The following UNK variants were observed in gnomAD, a reference collection of about 807,000 sequenced individuals.
UNK encodes the protein unk zinc finger, also known as RING finger protein unkempt homolog.
A neutral mutation model predicts 97.6 loss-of-function variants in UNK; 32 were observed. That is an observed-to-expected ratio of 0.33 (90% CI 0.25 to 0.44). The LOEUF (loss-of-function observed/expected upper bound fraction) is 0.44, where lower values mean the gene tolerates loss of function less well. Ranked by LOEUF, UNK falls within the 20% of genes least tolerant of loss-of-function variation. The probability of loss-of-function intolerance (pLI) is 1.00; values close to 1 mark genes in which losing one functional copy is unlikely to be tolerated. For missense variants in UNK, 771 were observed against 1,098.4 expected (o/e 0.70, Z 4.21); for synonymous variants, 441 against 461.2 (o/e 0.96, Z 0.56).
chr17:75,815,293 A>AC, intron 7 of UNK, 40 bp downstream of exon 7: 1 of 1,566,442 alleles, frequency 6.4e-7, no homozygotes, highest in Non-Finnish European at 8.7e-7. Flanking sequence ...GCCCTCTCCC[A>AC]CCCCTCCCTC....
chr17:75,821,895 C>G (rs2062072447), intron 13 of UNK: 2 of 359,642 alleles, frequency 5.6e-6, no homozygotes, highest in Non-Finnish European at 1.1e-5. Context: ...ACCACACTCC[C>G]TGTCTGTGTC....
At chr17:75,815,472 C>G (rs2062008474) in intron 7 of UNK, among the ~76,000 whole-genome samples, 2 of 152,218 alleles carry the variant, frequency 1.3e-5, no homozygotes, top group African/African-American at 4.8e-5. Flanking sequence ...ATAGAGACTG[C>G]AGGGATTGTC....
chr17:75,808,551 T>A (rs1038190921), intron 1 of UNK, among the ~76,000 whole-genome samples: 2 of 152,032 alleles, frequency 1.3e-5, no homozygotes, highest in Non-Finnish European at 2.9e-5. Flanking sequence ...ACCTTCAAAT[T>A]CTTCATCCAC....
At chr17:75,821,800 G>T (rs770371147) in intron 13 of UNK, 1 of 447,894 alleles carries the variant, frequency 2.2e-6, no homozygotes, top group South Asian at 1.6e-5. Context: ...CATCTGTTGA[G>T]CGAGTGAGCA....
chr17:75,816,620 A>G lies in UNK; in HGVS notation c.962-150A>G. Reference sequence around the variant, plus strand: ...TGGCACAGTGCCTGGCACACAGTAAATGCACAGACATGGTGTTACTAGAGA... The same window carrying G: ...TGGCACAGTGCCTGGCACACAGTAAGTGCACAGACATGGTGTTACTAGAGA... On this transcript the variant is annotated intron_variant, in intron 7 of 15. Coordinates refer to ENST00000589666, the MANE Select transcript of UNK (RefSeq NM_001080419.3). This position sits in a 1 kb window ranked among gnomAD's most constrained non-coding sequence, Gnocchi z 4.0. 8.0e-6 allele frequency: 8 copies of G among 995,562 alleles called. No homozygotes were observed. Among genetic ancestry groups the G allele is most frequent in the Non-Finnish European group, 1.1e-5 (8 of 712,236 alleles). The allele number at this position is 995,562 out of a possible 1,614,324, so 61.7% of individuals were successfully genotyped here. A position where few individuals can be genotyped will look rare whatever the true frequency, so the allele number is the denominator to read the frequency against.
chr17:75,813,947 G>A, intron 6 of UNK, 69 bp downstream of exon 6: 4 of 1,398,782 alleles, frequency 2.9e-6, no homozygotes, highest in Non-Finnish European at 3.9e-6. Flanking sequence ...GATCAGTGGA[G>A]ATGTTGGCAG....
chr17:75,812,686 C>A, intron 4 of UNK, 101 bp downstream of exon 4: 6 of 1,482,168 alleles, frequency 4.0e-6, no homozygotes, highest in Non-Finnish European at 4.5e-6. Flanking sequence ...CTAGCCGAGG[C>A]CCCGACCTGG....
At chr17:75,822,067 C>T (rs540538479) in intron 13 of UNK, among the ~76,000 whole-genome samples, 1 of 152,342 alleles carries the variant, frequency 6.6e-6, no homozygotes, top group African/African-American at 2.4e-5. Context: ...TTTATCTCTT[C>T]CTGGGCCTCA....
intron 1 of UNK, 124 bp from the exon 2 acceptor site, chr17:75,809,636 T>TA: frequency 1.0e-6 from 1 of 996,372 alleles, no homozygotes; most frequent in South Asian, 1.6e-5. Flanking sequence ...TCTCTCCTGG[T>TA]GTTCCAGTGG....
chr17:75,822,806 G>A lies in UNK; in HGVS notation c.2019+148G>A. On this transcript the variant is annotated intron_variant, in intron 14 of 15. Transcript: ENST00000589666. ...AGTTTTGTTCGCTCGCTCTCCCCCT[G>A]GGAGGACTCGCTTTGCCAGTCAGGA... 4.6e-6 allele frequency: 5 copies of A among 1,083,392 alleles called. No homozygotes were observed. In the South Asian group the frequency reaches 9.2e-5, roughly 20 times the overall value. The allele number at this position is 1,083,392 out of a possible 1,614,324, so 67.1% of individuals were successfully genotyped here.
chr17:75,822,554 C>T lies in UNK; in HGVS notation c.1915C>T (p.Leu639=). Residue 639 remains leucine, a synonymous_variant, in exon 14 of 16, where the codon CTA becomes TTA. Transcript: ENST00000589666. Reference sequence around the variant, plus strand: ...CTCCCCGGGCACTTCCCCCGCTTTCCTATCAGGGCCAGGGGCTGCCGAGCT... The same window carrying T: ...CTCCCCGGGCACTTCCCCCGCTTTCTTATCAGGGCCAGGGGCTGCCGAGCT... The part of the protein sequence containing the change: ...SFSPGTSPAF[L]SGPGAAELAR... The T allele has an allele frequency of 6.2e-7, 1 of 1,613,620 alleles. No homozygotes were observed. Among genetic ancestry groups the T allele is most frequent in the Non-Finnish European group, 8.5e-7 (1 of 1,179,824 alleles).
chr17:75,808,408 C>T (rs1011113741), intron 1 of UNK, among the ~76,000 whole-genome samples: 2 of 152,174 alleles, frequency 1.3e-5, no homozygotes, highest in African/African-American at 2.4e-5. Context: ...AGTTTGCCTC[C>T]TGTACCTCAC....
rs2062105742 is a variant in UNK, at chr17:75,824,981, TG to T, written c.*565del. On this transcript the variant is annotated 3_prime_UTR_variant, in exon 16 of 16. Transcript: ENST00000589666. The surrounding 1 kb of genome is among the most constrained non-coding windows in gnomAD (Gnocchi z 4.9). ...CCAGAGCAGGCCTGGCCCCCAGCTG[TG>T]AGGGCCTCAGGGAGGCCCGAGGGGG... The T allele has an allele frequency of 6.6e-6, 1 of 152,138 alleles. No homozygotes were observed. Among genetic ancestry groups the T allele is most frequent in the Non-Finnish European group, 1.5e-5 (1 of 67,980 alleles). 9.4% of individuals were successfully genotyped at this position (152,138 alleles called of 1,614,324 possible).
At chr17:75,802,423 T>A (rs957244395) in intron 1 of UNK, among the ~76,000 whole-genome samples, 2 of 151,904 alleles carry the variant, frequency 1.3e-5, no homozygotes, top group Non-Finnish European at 2.9e-5. Flanking sequence ...CTTAGTTTTT[T>A]AAAAAAATGT....
At position 75,819,825 on chromosome 17, in the gene UNK, T is replaced by C; in HGVS notation, c.1648+40T>C. 1.2e-6 allele frequency: 2 copies of C among 1,612,182 alleles called. No homozygotes were observed. Among genetic ancestry groups the C allele is most frequent in the South Asian group, 2.2e-5 (2 of 91,000 alleles). On this transcript the variant is annotated intron_variant, in intron 12 of 15. Transcript: ENST00000589666. The surrounding 1 kb of genome is among the most constrained non-coding windows in gnomAD (Gnocchi z 5.4). Reference sequence around the variant, plus strand: ...TGGGCAGGGCAGCCTGGAGGACTCCTCGGGTTCCTGCCTGGCTCAGGCCCC... The same window carrying C: ...TGGGCAGGGCAGCCTGGAGGACTCCCCGGGTTCCTGCCTGGCTCAGGCCCC...
intron 1 of UNK, among the ~76,000 whole-genome samples, chr17:75,805,810 A>ATTG (rs368975341): frequency 6.9e-6 from 1 of 145,294 alleles, no homozygotes; most frequent in African/African-American, 2.6e-5. Context: ...AAAAAGAAAA[A>ATTG]TGTGTGTGTG....
At chr17:75,814,520 A>G (rs933833523) in intron 6 of UNK, among the ~76,000 whole-genome samples, 1 of 151,416 alleles carries the variant, frequency 6.6e-6, no homozygotes, top group Admixed American at 6.6e-5. Flanking sequence ...AAGGATTGAA[A>G]AAAAGTAAGC....
chr17:75,816,394 G>A lies in UNK; in HGVS notation c.962-376G>A, dbSNP rs576556117. The stretch of plus-strand genomic sequence containing the variant: ...CGGCCATGGGCATTGGGACCGCCTG[G>A]CTGAGACGGCATAAGGAAGTGATTC... On this transcript the variant is annotated intron_variant, in intron 7 of 15. Transcript: ENST00000589666. The surrounding 1 kb of genome is among the most constrained non-coding windows in gnomAD (Gnocchi z 4.0). Among the ~76,000 whole-genome samples, 135 of 152,340 alleles carry A rather than the reference G, an allele frequency of 8.9e-4. 1 individual carries two copies. Among genetic ancestry groups the A allele is most frequent in the Middle Eastern group, 3.4e-3 (1 of 294 alleles).
At chr17:75,802,901 C>T (rs565233672) in intron 1 of UNK, among the ~76,000 whole-genome samples, 17 of 151,340 alleles carry the variant, frequency 1.1e-4, no homozygotes, top group African/African-American at 2.7e-4. Context: ...CCAAGGTGGG[C>T]GGATCACGAG....
Sources: gnomAD v4.1 joint callset for allele counts (sites outside exome capture counted in the v4.1 genomes callset) on GRCh38, gnomAD v4.1.1 for gene constraint, Gnocchi (gnomAD v3.1) non-coding constraint, MANE v1.5 for transcripts, NCBI Gene and HGNC (gene_info 2026-07-23, HGNC 2026-07-21) for gene names.